Variants in SCFD2 observed in about 807,000 individuals in gnomAD.
SCFD2 encodes sec1 family domain containing 2, also known as sec1 family domain-containing protein 2.
In SCFD2, 54 loss-of-function variants were observed where a neutral mutation model predicts 58.9. The ratio of observed to expected loss-of-function variants is 0.92; its 90% CI spans 0.74 to 1.15. The LOEUF (loss-of-function observed/expected upper bound fraction) is 1.15. Among genes scored for constraint, SCFD2 ranks in the 50% most tolerant of loss-of-function variants. SCFD2 has a pLI of 0.00. For missense variants in SCFD2, 805 were observed against 836.6 expected, an observed-to-expected ratio of 0.96 and a Z score of 0.47; for synonymous variants, 321 against 335.9, an observed-to-expected ratio of 0.96 and a Z score of 0.49.
rs1457822701 is a variant in SCFD2 at position 53,097,929 on chromosome 4, C to T, written c.1561+47404G>A. Among the ~76,000 whole-genome samples, 3 of 152,078 alleles carry T rather than the reference C, an allele frequency of 2.0e-5. 1 individual carries two copies. The highest frequency in any genetic ancestry group is 2.0e-4 in the Admixed American group (3 of 15,270). On this transcript the variant is annotated intron_variant, in intron 5 of 8. Transcript: ENST00000401642. ...TATTGAGAGTTGTTAGCATGAAGGG[C>T]TGTTGAATTTTGTCAAAGGCCTTTT...
chr4:53,356,827 C>T (rs559591627), intron 1 of SCFD2, among the ~76,000 whole-genome samples: 156 of 150,988 alleles, frequency 1.0e-3, no homozygotes, highest in South Asian at 6.9e-3. Context: ...AGCTCCACCT[C>T]CTCGGTTCAC....
rs532213873 is a variant in SCFD2, at chr4:53,207,065, G to C, written c.1312-61483C>G. 3.1e-4 allele frequency among the ~76,000 whole-genome samples: 47 copies of C among 152,048 alleles called. No individual in the cohort carries two copies. In the Middle Eastern group the frequency reaches 0.014, roughly 44 times the overall value. The stretch of plus-strand genomic sequence containing the variant: ...GCATGGCGAGAGGGCATGAGAGCCT[G>C]TGCAAAAGAGAGGTACCAGGGCCAG... On this transcript the variant is annotated intron_variant, in intron 4 of 8. Coordinates refer to ENST00000401642, the MANE Select transcript of SCFD2 (RefSeq NM_152540.4).
chr4:53,256,326 G>C (rs1156558391), intron 4 of SCFD2, among the ~76,000 whole-genome samples: 1 of 150,312 alleles, frequency 6.7e-6, no homozygotes, highest in Non-Finnish European at 1.5e-5. Context: ...CTCAGACGAT[G>C]GGCAGCCGGG....
chr4:53,197,481 T>A (rs1168566059), intron 4 of SCFD2, among the ~76,000 whole-genome samples: 2 of 152,026 alleles, frequency 1.3e-5, no homozygotes, highest in African/African-American at 4.8e-5. Flanking sequence ...GTTGGCATAA[T>A]TACAGAAATT....
At chr4:53,141,096 T>A (rs1726150616) in intron 5 of SCFD2, among the ~76,000 whole-genome samples, 1 of 152,134 alleles carries the variant, frequency 6.6e-6, no homozygotes, top group Admixed American at 6.5e-5. Context: ...GAAAAAAAAT[T>A]TTTTAATCTT....
At chr4:53,181,755 C>A (rs1727566501) in intron 4 of SCFD2, among the ~76,000 whole-genome samples, 2 of 152,270 alleles carry the variant, frequency 1.3e-5, no homozygotes, top group Admixed American at 1.3e-4. Context: ...ATCTAGAAAA[C>A]CCCATCGTCT....
At chr4:53,304,997 C>T (rs544457495) in intron 3 of SCFD2, among the ~76,000 whole-genome samples, 3 of 152,122 alleles carry the variant, frequency 2.0e-5, no homozygotes, top group Non-Finnish European at 2.9e-5. Flanking sequence ...TGGTGACCTT[C>T]GGCTGGGGTC....
chr4:52,889,043 G>C (rs1039654640), intron 7 of SCFD2, among the ~76,000 whole-genome samples: 8 of 152,166 alleles, frequency 5.3e-5, no homozygotes, highest in Non-Finnish European at 1.0e-4. Flanking sequence ...AGGCACATGA[G>C]AGACATCTTA....
chr4:53,330,508 G>A (rs1460441015), intron 2 of SCFD2, among the ~76,000 whole-genome samples: 1 of 152,102 alleles, frequency 6.6e-6, no homozygotes, highest in Non-Finnish European at 1.5e-5. Flanking sequence ...CTTCAGAAGT[G>A]AAGGACAAAT....
intron 5 of SCFD2, among the ~76,000 whole-genome samples, chr4:53,088,888 A>G (rs1724388549): frequency 6.6e-6 from 1 of 152,060 alleles, no homozygotes. Context: ...TTGAAATACT[A>G]ATCTCCAATG....
In SCFD2 at chr4:52,888,162, G is replaced by A. The variant is rs192573294; in HGVS notation, c.1843-2296C>T. On this transcript the variant is annotated intron_variant, in intron 7 of 8. Coordinates refer to ENST00000401642, the MANE Select transcript of SCFD2 (RefSeq NM_152540.4). Reference sequence around the variant, plus strand: ...CCTGACCTCATGATCCACCCGCCTCGGCCTCCCAATCAACATCTTATTCTA... The same window carrying A: ...CCTGACCTCATGATCCACCCGCCTCAGCCTCCCAATCAACATCTTATTCTA... Among the ~76,000 whole-genome samples, 902 of 152,020 alleles carry A rather than the reference G, an allele frequency of 5.9e-3. 12 individuals are homozygous for A. The highest frequency in any genetic ancestry group is 0.02 in the African/African-American group (848 of 41,434).
chr4:53,211,467 T>C (rs1728611609), intron 4 of SCFD2, among the ~76,000 whole-genome samples: 1 of 152,234 alleles, frequency 6.6e-6, no homozygotes, highest in East Asian at 1.9e-4. Context: ...TTCAGCAAAT[T>C]AATCAAATTC....
chr4:53,007,605 C>G (rs1245661026), intron 5 of SCFD2, among the ~76,000 whole-genome samples: 2 of 152,124 alleles, frequency 1.3e-5, no homozygotes, highest in African/African-American at 4.8e-5. Flanking sequence ...TACCTCACTT[C>G]TCTATGTGTC....
At chr4:52,876,845 G>T (rs994987603) in intron 8 of SCFD2, among the ~76,000 whole-genome samples, 1 of 151,532 alleles carries the variant, frequency 6.6e-6, no homozygotes, top group East Asian at 1.9e-4. Flanking sequence ...CTCCTTGGAA[G>T]TAGGTTCTTC....
intron 4 of SCFD2, among the ~76,000 whole-genome samples, chr4:53,153,144 G>T (rs532082958): frequency 6.6e-6 from 1 of 152,314 alleles, no homozygotes; most frequent in Admixed American, 6.5e-5. Context: ...CTCATCTTGA[G>T]AGTGTCCCAG....
chr4:53,197,329 G>C lies in SCFD2; in HGVS notation c.1312-51747C>G, dbSNP rs1270839088. On this transcript the variant is annotated intron_variant, in intron 4 of 8. Transcript: ENST00000401642. ...CCCCAATCATCTGTTAGTTTCTTCT[G>C]GTTTTTCTTGAAGTTCCTTTGAAAG... Among the ~76,000 whole-genome samples, 3 of 151,974 alleles carry C rather than the reference G, an allele frequency of 2.0e-5. No homozygotes were observed. In the East Asian group the frequency reaches 5.8e-4, roughly 29 times the overall value.
intron 5 of SCFD2, among the ~76,000 whole-genome samples, chr4:52,966,730 A>C (rs920023868): frequency 6.6e-6 from 1 of 152,240 alleles, no homozygotes; most frequent in African/African-American, 2.4e-5. Flanking sequence ...GACATCTTAC[A>C]TAAGTCTGGT....
chr4:53,247,531 C>T (rs540553011), intron 4 of SCFD2, among the ~76,000 whole-genome samples: 2 of 152,262 alleles, frequency 1.3e-5, no homozygotes, highest in East Asian at 3.9e-4. Flanking sequence ...AAATGTGATA[C>T]ATATACACCA....
chr4:52,931,892 C>A (rs933610380), intron 5 of SCFD2, among the ~76,000 whole-genome samples: 1 of 152,178 alleles, frequency 6.6e-6, no homozygotes, highest in Non-Finnish European at 1.5e-5. Flanking sequence ...CTGTCTCCCC[C>A]TGTATTTCAT....
Sources: allele counts gnomAD v4.1 joint callset (sites outside exome capture counted in the v4.1 genomes callset), GRCh38; gene constraint gnomAD v4.1.1; transcripts MANE v1.5; gene names NCBI Gene and HGNC (gene_info 2026-07-23, HGNC 2026-07-21).